The following GGT7 variants were observed in gnomAD, a reference collection of about 807,000 sequenced individuals.
The protein encoded by GGT7 is glutathione hydrolase 7.
In GGT7, 30 loss-of-function variants were observed where a neutral mutation model predicts 69.2. The ratio of observed to expected loss-of-function variants is 0.43; its 90% CI spans 0.32 to 0.59. The LOEUF is 0.59. Among genes scored for constraint, GGT7 ranks in the 20% least tolerant of loss-of-function variants. The pLI is 0.05. For synonymous variants in GGT7, 388 were observed against 391.8 expected, an observed-to-expected ratio of 0.99 and a Z score of 0.12; for missense variants, 733 against 901.1, an observed-to-expected ratio of 0.81 and a Z score of 2.39.
intron 1 of GGT7, among the ~76,000 whole-genome samples, chr20:34,871,727 T>C (rs527914164): frequency 1.3e-5 from 2 of 152,188 alleles, no homozygotes; most frequent in Non-Finnish European, 2.9e-5. Flanking sequence ...GTGCAGGCAC[T>C]GCGAGGAAGC....
At chr20:34,853,493 C>CAGAGGTTACAGTGAGCCA (rs948164493) in intron 10 of GGT7, among the ~76,000 whole-genome samples, 1 of 147,398 alleles carries the variant, frequency 6.8e-6, no homozygotes, top group Non-Finnish European at 1.5e-5. Context: ...ACCTGGGAGG[C>CAGAGGTTACAGTGAGCCA]AGAGGTTACA....
intron 12 of GGT7, among the ~76,000 whole-genome samples, chr20:34,851,569 G>A (rs979571447): frequency 4.6e-5 from 7 of 152,170 alleles, no homozygotes; most frequent in Non-Finnish European, 1.0e-4. Context: ...GGTGGATGGG[G>A]GAGTGATAAG....
At chr20:34,864,277 G>A (rs923088120) in intron 1 of GGT7, among the ~76,000 whole-genome samples, 6 of 152,132 alleles carry the variant, frequency 3.9e-5, no homozygotes, top group Admixed American at 6.5e-5. Flanking sequence ...AGAGCAAAGA[G>A]TATGTGTGTG....
chr20:34,851,407 G>C (rs1347486142), intron 12 of GGT7, 39 bp from the exon 13 acceptor site: 1 of 1,581,608 alleles, frequency 6.3e-7, no homozygotes, highest in Non-Finnish European at 8.6e-7. Flanking sequence ...GGCAGGTGGG[G>C]TGGGACAAGA....
At chr20:34,853,886 G>T (rs1485275466) in intron 10 of GGT7, among the ~76,000 whole-genome samples, 1 of 152,194 alleles carries the variant, frequency 6.6e-6, no homozygotes, top group Non-Finnish European at 1.5e-5. Context: ...ACTATGTTAT[G>T]TTGCTAATGA....
chr20:34,864,984 G>A (rs571426357), intron 1 of GGT7, among the ~76,000 whole-genome samples: 1 of 152,138 alleles, frequency 6.6e-6, no homozygotes, highest in African/African-American at 2.4e-5. Flanking sequence ...CACCATGCCT[G>A]AGTAATTTTG....
chr20:34,861,587 T>C, intron 3 of GGT7, 25 bp from the exon 4 acceptor site: 1 of 1,339,056 alleles, frequency 7.5e-7, no homozygotes, highest in Non-Finnish European at 1.0e-6. Context: ...GAAGGGGAAG[T>C]GTGATGATAA....
chr20:34,863,829 G>A lies in GGT7; in HGVS notation c.170-281C>T. The A allele has an allele frequency of 1.5e-6, 1 of 651,130 alleles. No homozygotes were observed. The highest frequency in any genetic ancestry group is 2.9e-6 in the Non-Finnish European group (1 of 344,532). The allele number at this position is 651,130 out of a possible 1,614,324, so 40.3% of individuals were successfully genotyped here. Reference sequence around the variant, plus strand: ...CAAATTTCCTGGCACCCAGGGCCCAGGGCTGAGAACACTTCCTGGGGGGTG... The same window carrying A: ...CAAATTTCCTGGCACCCAGGGCCCAAGGCTGAGAACACTTCCTGGGGGGTG... On this transcript the variant is annotated intron_variant, in intron 1 of 14. Transcript: ENST00000336431. The surrounding 1 kb of genome is among the most constrained non-coding windows in gnomAD (Gnocchi z 4.4).
chr20:34,851,446 C>T, intron 12 of GGT7, 78 bp from the exon 13 acceptor site: 1 of 1,389,404 alleles, frequency 7.2e-7, no homozygotes, highest in Non-Finnish European at 9.9e-7. Flanking sequence ...ACAACCCTTC[C>T]AACTGCTCTC....
chr20:34,859,446 G>A lies in GGT7; in HGVS notation c.1011C>T (p.Ala337=), dbSNP rs765653584. ...CCCGCACAACACGAGCACTTACCTCGGCCACCATCTCCAGTGTGAGGTTGC... is the reference window on the plus strand; with the variant it reads ...CCCGCACAACACGAGCACTTACCTCAGCCACCATCTCCAGTGTGAGGTTGC... ...AGGNLTLEMV[A]EAQHAGGVIT... Residue 337 remains alanine (A), a synonymous_variant, in exon 7 of 15, where the codon GCC becomes GCT. Coordinates refer to ENST00000336431, the MANE Select transcript of GGT7 (RefSeq NM_178026.3). 22 of 1,577,972 alleles carry A rather than the reference G, an allele frequency of 1.4e-5. No homozygotes were observed. Among genetic ancestry groups the A allele is most frequent in the Middle Eastern group, 1.7e-4 (1 of 5,930 alleles).
chr20:34,851,499 G>T, intron 12 of GGT7, 131 bp from the exon 13 acceptor site: 1 of 900,158 alleles, frequency 1.1e-6, no homozygotes, highest in African/African-American at 1.7e-5. Flanking sequence ...CTGGGAGACT[G>T]GTCCCTTCCC....
chr20:34,850,113 A>G, intron 13 of GGT7, 53 bp from the exon 14 acceptor site: 1 of 1,197,132 alleles, frequency 8.4e-7, no homozygotes, highest in Non-Finnish European at 1.3e-6. Flanking sequence ...GTGATGGTCC[A>G]GGATTCCTCA....
chr20:34,853,470 G>A (rs2079434789), intron 10 of GGT7, among the ~76,000 whole-genome samples: 1 of 150,776 alleles, frequency 6.6e-6, no homozygotes, highest in African/African-American at 2.4e-5. Flanking sequence ...GCTGAAGCAG[G>A]AGAATTGCTT....
intron 7 of GGT7, among the ~76,000 whole-genome samples, chr20:34,858,083 T>A (rs961141241): frequency 6.6e-6 from 1 of 152,186 alleles, no homozygotes. Context: ...TTCCCTTCTG[T>A]GCCACAGTGA....
intron 10 of GGT7, among the ~76,000 whole-genome samples, chr20:34,852,809 T>C (rs1397471478): frequency 6.6e-6 from 1 of 152,258 alleles, no homozygotes; most frequent in Non-Finnish European, 1.5e-5. Flanking sequence ...GACTTCTTAA[T>C]CCTTTCTATG....
rs533787521 is a variant in GGT7, at chr20:34,863,545, G to A, written c.173C>T (p.Pro58Leu). 11 of 1,566,818 alleles carry A rather than the reference G, an allele frequency of 7.0e-6. No individual in the cohort carries two copies. The highest frequency in any genetic ancestry group is 1.2e-5 in the South Asian group (1 of 86,096). ...DAFLGDPDTD[P>L]DSFLKSARLQ... ...CCGTGCAGACTTCAGGAAGGAGTCC[G>A]GGTCTGCGGGCAGGCAGCCGGGGTC... is the stretch of plus-strand genomic sequence containing the variant. The change falls in exon 2 of 15, where the codon CCG (proline) becomes CTG (leucine). Residue 58 changes from proline (P) to leucine (L), a missense_variant. Pro to Leu is a moderately conservative substitution (Grantham distance 98). Transcript: ENST00000336431. The surrounding 1 kb of genome is among the most constrained non-coding windows in gnomAD (Gnocchi z 4.4).
chr20:34,870,594 A>C (rs2079762196), intron 1 of GGT7, among the ~76,000 whole-genome samples: 1 of 150,384 alleles, frequency 6.6e-6, no homozygotes, highest in African/African-American at 2.5e-5. Flanking sequence ...CCTCCTGAGT[A>C]GCTGGGGTTA....
intron 12 of GGT7, 25 bp downstream of exon 12, chr20:34,852,130 A>G: frequency 7.0e-7 from 1 of 1,431,002 alleles, no homozygotes; most frequent in African/African-American, 1.4e-5. Flanking sequence ...CAGGGTCCCC[A>G]GGAAAGCAGG....
chr20:34,861,844 A>T (rs1394832448), intron 3 of GGT7, among the ~76,000 whole-genome samples: 1 of 152,166 alleles, frequency 6.6e-6, no homozygotes. Context: ...CTGGCAGAAC[A>T]GGATGTTCTG....
Sources: allele counts gnomAD v4.1 joint callset (sites outside exome capture counted in the v4.1 genomes callset), GRCh38; gene constraint gnomAD v4.1.1; non-coding constraint Gnocchi (gnomAD v3.1); transcripts MANE v1.5; gene names NCBI Gene and HGNC (gene_info 2026-07-23, HGNC 2026-07-21).